CMSS1: variants seen among roughly 807,000 people sequenced by gnomAD.
The protein encoded by CMSS1 is cms1 ribosomal small subunit homolog, also known as protein CMSS1.
In CMSS1, 33 loss-of-function variants were observed where a neutral mutation model predicts 43.5. The observed-to-expected ratio is 0.76, with a 90% confidence interval of 0.57 to 1.01. The LOEUF (loss-of-function observed/expected upper bound fraction) is 1.01. Ranked by LOEUF, CMSS1 falls within the 50% of genes least tolerant of loss-of-function variation. The probability of loss-of-function intolerance (pLI) is 0.00; values close to 1 mark genes in which losing one functional copy is unlikely to be tolerated. For synonymous variants in CMSS1, 115 were observed against 117.2 expected (o/e 0.98, Z 0.12); for missense variants, 313 against 326.4 (o/e 0.96, Z 0.32).
chr3:100,175,622 G>T (rs145914119), intron 8 of CMSS1, among the ~76,000 whole-genome samples: 1 of 152,190 alleles, frequency 6.6e-6, no homozygotes, highest in Non-Finnish European at 1.5e-5. Flanking sequence ...AAGCTGAGGG[G>T]AAGTGCCACA....
At chr3:100,107,288 G>A (rs1008050566) in intron 1 of CMSS1, among the ~76,000 whole-genome samples, 12 of 152,140 alleles carry the variant, frequency 7.9e-5, no homozygotes, top group Non-Finnish European at 1.8e-4. Flanking sequence ...AGGTTATTTA[G>A]GTCATGATTG....
At chr3:99,918,621 G>GT (rs1379298533) in intron 1 of CMSS1, among the ~76,000 whole-genome samples, 7 of 152,148 alleles carry the variant, frequency 4.6e-5, no homozygotes, top group Non-Finnish European at 7.4e-5. Context: ...GAATTGTGCA[G>GT]TTTTAAGAGT....
chr3:100,134,028 G>A (rs1191688746), intron 1 of CMSS1, among the ~76,000 whole-genome samples: 1 of 152,120 alleles, frequency 6.6e-6, no homozygotes, highest in Non-Finnish European at 1.5e-5. Context: ...GAAGTACTGT[G>A]TTTTTTCCAT....
At chr3:99,922,739 A>G (rs1184890614) in intron 1 of CMSS1, among the ~76,000 whole-genome samples, 1 of 152,206 alleles carries the variant, frequency 6.6e-6, no homozygotes, top group Non-Finnish European at 1.5e-5. Flanking sequence ...GTGGTTCAGA[A>G]TAGAGGGTCA....
Position 99,983,389 on chromosome 3 carries a change from A to AATAT in CMSS1, c.65-163557_65-163554dup, listed in dbSNP as rs397990626. Among the ~76,000 whole-genome samples, 42 of 40,766 alleles carry AATAT rather than the reference A, an allele frequency of 1.0e-3. 1 individual carries two copies. The highest frequency in any genetic ancestry group is 2.9e-3 in the African/African-American group (28 of 9,784). The allele number at this position is 40,766 out of a possible 152,430, so 26.7% of individuals were successfully genotyped here. ...TCTCTACTTAAAAAATAAATAAATA[A>AATAT]ATATATATATATATATATATATATA... On this transcript the variant is annotated intron_variant, in intron 1 of 9. Coordinates refer to ENST00000421999, the MANE Select transcript of CMSS1 (RefSeq NM_032359.4).
intron 1 of CMSS1, chr3:99,848,920 A>G: frequency 6.2e-7 from 1 of 1,614,078 alleles, no homozygotes; most frequent in Admixed American, 1.7e-5. Context: ...TGGACTTGTG[A>G]TTTCAAGAGT....
intron 1 of CMSS1, among the ~76,000 whole-genome samples, chr3:99,828,697 C>T (rs942481517): frequency 1.3e-5 from 2 of 150,724 alleles, no homozygotes; most frequent in Non-Finnish European, 3.0e-5. Flanking sequence ...CTCAAGAAAT[C>T]CTCTCACCTC....
rs373628648 is a variant in CMSS1 at position 99,961,422 on chromosome 3, A to G, written c.64+143379A>G. 2.6e-5 allele frequency among the ~76,000 whole-genome samples: 4 copies of G among 152,268 alleles called. No homozygotes were observed. The East Asian group carries it at 5.8e-4, about 22-fold the overall frequency. Reference sequence around the variant, plus strand: ...ATGTATCTACAATGACTCTTATGCTATATATGCATACCCAGGAGCCCAGAA... The same window carrying G: ...ATGTATCTACAATGACTCTTATGCTGTATATGCATACCCAGGAGCCCAGAA... On this transcript the variant is annotated intron_variant, in intron 1 of 9. Transcript: ENST00000421999.
chr3:100,115,623 C>CTCTG, intron 1 of CMSS1, among the ~76,000 whole-genome samples: 1 of 117,608 alleles, frequency 8.5e-6, no homozygotes, highest in Non-Finnish European at 1.8e-5. Context: ...CTCTCTCTCT[C>CTCTG]TCTCTGTCTC....
At chr3:100,050,230 A>G (rs1053403402) in intron 1 of CMSS1, among the ~76,000 whole-genome samples, 5 of 152,318 alleles carry the variant, frequency 3.3e-5, no homozygotes, top group Admixed American at 2.6e-4. Flanking sequence ...TCTTAAAAAT[A>G]TGACACTGTG....
intron 1 of CMSS1, among the ~76,000 whole-genome samples, chr3:99,818,505 C>T (rs538734309): frequency 6.6e-6 from 1 of 152,262 alleles, no homozygotes; most frequent in East Asian, 1.9e-4. Flanking sequence ...ATGTCCATTT[C>T]GTAAAGTTGT....
intron 1 of CMSS1, among the ~76,000 whole-genome samples, chr3:100,068,595 C>G (rs2065707437): frequency 6.6e-6 from 1 of 152,278 alleles, no homozygotes; most frequent in South Asian, 2.1e-4. Context: ...GTTTACTTTT[C>G]TAAAACATGA....
rs192771790 is a variant in CMSS1 at position 100,170,921 on chromosome 3, T to C, written c.519-918T>C. On this transcript the variant is annotated intron_variant, in intron 6 of 9. Transcript: ENST00000421999. ...AAGTGTTTGGCACCTAAAAAATTTG[T>C]GAGTGACTTGCCCATATTTAAAATC... Among the ~76,000 whole-genome samples the C allele has an allele frequency of 1.5e-4, 23 of 152,332 alleles. No homozygotes were observed. In the East Asian group the frequency reaches 4.2e-3, roughly 28 times the overall value.
At chr3:100,124,916 ACCTCATCCCCAC>A (rs2066651657) in intron 1 of CMSS1, among the ~76,000 whole-genome samples, 1 of 151,944 alleles carries the variant, frequency 6.6e-6, no homozygotes, top group African/African-American at 2.4e-5. Flanking sequence ...TTCAGTCTGT[ACCTCATCCCCAC>A]CAGCCATTCC....
intron 1 of CMSS1, among the ~76,000 whole-genome samples, chr3:99,821,207 C>T (rs1942432400): frequency 6.6e-6 from 1 of 152,228 alleles, no homozygotes; most frequent in African/African-American, 2.4e-5. Flanking sequence ...TGGAGCTCAA[C>T]ATGGGACCTG....
intron 1 of CMSS1, among the ~76,000 whole-genome samples, chr3:100,028,705 A>G (rs73138669): frequency 0.06 from 9,081 of 152,256 alleles, 404 homozygotes; most frequent in South Asian, 0.1. Flanking sequence ...ATGATAATTT[A>G]TCCAGTTAGA....
intron 1 of CMSS1, among the ~76,000 whole-genome samples, chr3:99,934,812 G>T (rs1051716113): frequency 2.6e-5 from 4 of 152,142 alleles, no homozygotes; most frequent in African/African-American, 9.7e-5. Flanking sequence ...GGTAAAAAAA[G>T]GAATGACCTG....
chr3:100,040,841 C>CT (rs111369836), intron 1 of CMSS1: 2 of 152,166 alleles, frequency 1.3e-5, no homozygotes, highest in African/African-American at 2.4e-5. Context: ...AAGGGAGAAA[C>CT]TTTGTCAGTG....
intron 1 of CMSS1, among the ~76,000 whole-genome samples, chr3:100,004,145 G>C (rs906948983): frequency 6.6e-6 from 1 of 152,116 alleles, no homozygotes; most frequent in Non-Finnish European, 1.5e-5. Flanking sequence ...TAGGGGATTT[G>C]CAAGGTAATT....
Sources: allele counts gnomAD v4.1 joint callset (sites outside exome capture counted in the v4.1 genomes callset), GRCh38; gene constraint gnomAD v4.1.1; transcripts MANE v1.5; gene names NCBI Gene and HGNC (gene_info 2026-07-23, HGNC 2026-07-21).